The following FEM1C variants were observed in gnomAD, a reference collection of about 807,000 sequenced individuals.
FEM1C encodes protein fem-1 homolog C.
FEM1C carries 15 observed loss-of-function variants against 37.6 expected under a neutral mutation model. The observed-to-expected ratio is 0.40, with a 90% CI of 0.27 to 0.61. The LOEUF is 0.61. Ranked by LOEUF, FEM1C falls within the 20% of genes least tolerant of loss-of-function variation. The pLI is 0.42. For synonymous variants in FEM1C, 287 were observed against 272.8 expected (o/e 1.05, Z -0.51); for missense variants, 532 against 749.7 (o/e 0.71, Z 3.39).
intron 2 of FEM1C, among the ~76,000 whole-genome samples, chr5:115,535,328 A>C (rs1754103213): frequency 6.6e-6 from 1 of 151,598 alleles, no homozygotes; most frequent in African/African-American, 2.4e-5. Context: ...AATATTTGCA[A>C]ATGATATATC....
rs1580375787 is a variant in FEM1C at position 115,523,480 on chromosome 5, G to A, written c.*828C>T. 1 of 152,418 alleles carries A rather than the reference G, an allele frequency of 6.6e-6. No individual in the cohort carries two copies. The highest frequency in any genetic ancestry group is 2.4e-5 in the African/African-American group (1 of 41,410). 9.4% of individuals were successfully genotyped at this position (152,418 alleles called of 1,614,324 possible). A position where few individuals can be genotyped will look rare whatever the true frequency, so the allele number is the denominator to read the frequency against. ...TACTGCATGATATATTAAGATGACA[G>A]ACCTAAATTTCAACTGGGTTAATGA... On this transcript the variant is annotated 3_prime_UTR_variant, in exon 3 of 3. Transcript: ENST00000274457.
At chr5:115,536,804 T>C (rs1310343329) in intron 2 of FEM1C, among the ~76,000 whole-genome samples, 1 of 151,954 alleles carries the variant, frequency 6.6e-6, no homozygotes, top group African/African-American at 2.4e-5. Flanking sequence ...AATTTAACAA[T>C]AAAGGTCCTT....
At chr5:115,528,033 C>A (rs1213543199) in intron 2 of FEM1C, among the ~76,000 whole-genome samples, 1 of 147,844 alleles carries the variant, frequency 6.8e-6, no homozygotes, top group African/African-American at 2.5e-5. Context: ...TAGCAAAAGC[C>A]AATTAAATGA....
intron 2 of FEM1C, among the ~76,000 whole-genome samples, chr5:115,538,848 C>A (rs1187031714): frequency 6.6e-6 from 1 of 151,930 alleles, no homozygotes; most frequent in East Asian, 1.9e-4. Flanking sequence ...AAAACCCTTC[C>A]ACAGATCCAC....
intron 2 of FEM1C, among the ~76,000 whole-genome samples, chr5:115,532,362 A>C (rs1265121528): frequency 2.0e-5 from 3 of 152,128 alleles, no homozygotes; most frequent in Non-Finnish European, 4.4e-5. Flanking sequence ...AAAGTAATTC[A>C]ATCTTAGCTT....
At position 115,524,822 on chromosome 5, in the gene FEM1C, T is replaced by G; in HGVS notation, c.1340A>C (p.His447Pro). Residue 447 changes from histidine (H) to proline (P), a missense_variant, in exon 3 of 3, where the codon CAC (histidine) becomes CCC (proline). Transcript: ENST00000274457. Reference protein sequence around the residue: ...QLNKALSIILHLICLLEKVPC... With the variant: ...QLNKALSIILPLICLLEKVPC... ...AACTTTCTCTAACAAGCAAATTAAG[T>G]GCAAAATAATAGAAAGGGCCTTATT... 1 of 1,607,140 alleles carries G rather than the reference T, an allele frequency of 6.2e-7. No individual in the cohort carries two copies. The highest frequency in any genetic ancestry group is 8.5e-7 in the Non-Finnish European group (1 of 1,177,126).
At chr5:115,538,998 A>G (rs1348159643) in intron 2 of FEM1C, among the ~76,000 whole-genome samples, 1 of 152,028 alleles carries the variant, frequency 6.6e-6, no homozygotes, top group Admixed American at 6.6e-5. Flanking sequence ...TATAGCATGG[A>G]TTGCTTATAC....
chr5:115,533,504 C>T (rs997107793), intron 2 of FEM1C, among the ~76,000 whole-genome samples: 5 of 151,896 alleles, frequency 3.3e-5, no homozygotes, highest in Non-Finnish European at 7.4e-5. Context: ...CTGTTACATG[C>T]CAAAGATCAT....
chr5:115,539,895 G>A (rs1339881407), intron 2 of FEM1C, among the ~76,000 whole-genome samples: 6 of 152,038 alleles, frequency 3.9e-5, no homozygotes, highest in East Asian at 3.8e-4. Context: ...GTAATGAAAA[G>A]AGGTTAAATA....
intron 1 of FEM1C, among the ~76,000 whole-genome samples, chr5:115,544,294 C>G (rs1754310126): frequency 6.6e-6 from 1 of 151,694 alleles, no homozygotes. Flanking sequence ...CCGCAGGTTC[C>G]TCAAACCACA....
intron 2 of FEM1C, among the ~76,000 whole-genome samples, chr5:115,540,490 T>A (rs981492348): frequency 2.0e-5 from 3 of 151,970 alleles, no homozygotes; most frequent in African/African-American, 7.2e-5. Flanking sequence ...TAGATACTGA[T>A]ACTGGGGAAA....
Position 115,524,557 on chromosome 5 carries a change from A to T in FEM1C, c.1605T>A (p.Ala535=). The change falls in exon 3 of 3, where the codon GCT becomes GCA. Residue 535 remains alanine (A), a synonymous_variant. Coordinates refer to ENST00000274457, the MANE Select transcript of FEM1C (RefSeq NM_020177.3). ...TGATGTCTGGATGGTTGTTAAGAGCAGCGATATGCAGGGGACTGTTGTCAT... is the reference window on the plus strand; with the variant it reads ...TGATGTCTGGATGGTTGTTAAGAGCTGCGATATGCAGGGGACTGTTGTCAT... The part of the protein sequence containing the change: ...DSDDNSPLHI[A]ALNNHPDIMN... 1 of 1,613,490 alleles carries T rather than the reference A, an allele frequency of 6.2e-7. No individual in the cohort carries two copies. Among genetic ancestry groups the T allele is most frequent in the South Asian group, 1.1e-5 (1 of 91,030 alleles).
chr5:115,541,895 A>G (rs1371535971), intron 2 of FEM1C, among the ~76,000 whole-genome samples: 1 of 152,170 alleles, frequency 6.6e-6, no homozygotes, highest in Non-Finnish European at 1.5e-5. Flanking sequence ...GGACACATAA[A>G]AAACTGTAAA....
At chr5:115,536,589 G>C (rs1272852028) in intron 2 of FEM1C, among the ~76,000 whole-genome samples, 1 of 151,840 alleles carries the variant, frequency 6.6e-6, no homozygotes, top group Non-Finnish European at 1.5e-5. Flanking sequence ...AAACAACTTA[G>C]GGTATCAAAG....
At chr5:115,535,664 C>G (rs982377718) in intron 2 of FEM1C, among the ~76,000 whole-genome samples, 1 of 151,888 alleles carries the variant, frequency 6.6e-6, no homozygotes, top group Non-Finnish European at 1.5e-5. Context: ...GGAATGTAAA[C>G]TGGTACAACT....
At chr5:115,532,403 T>C (rs1754035297) in intron 2 of FEM1C, among the ~76,000 whole-genome samples, 2 of 152,072 alleles carry the variant, frequency 1.3e-5, no homozygotes, top group Non-Finnish European at 2.9e-5. Flanking sequence ...AAAAGTAATA[T>C]CCTAGAAGGA....
chr5:115,534,845 G>A (rs1479895183), intron 2 of FEM1C, among the ~76,000 whole-genome samples: 1 of 151,902 alleles, frequency 6.6e-6, no homozygotes, highest in African/African-American at 2.4e-5. Context: ...CTGGATCCAA[G>A]TGATACCTAC....
intron 2 of FEM1C, among the ~76,000 whole-genome samples, chr5:115,540,383 C>T (rs971478326): frequency 1.3e-5 from 2 of 151,956 alleles, no homozygotes; most frequent in African/African-American, 4.8e-5. Context: ...TATCTATATG[C>T]ATGTGTATGG....
chr5:115,539,412 T>C (rs1201153223), intron 2 of FEM1C, among the ~76,000 whole-genome samples: 1 of 152,078 alleles, frequency 6.6e-6, no homozygotes, highest in Non-Finnish European at 1.5e-5. Flanking sequence ...ATCACTGTGA[T>C]AGCTCTGAGA....
Sources: gnomAD v4.1 joint callset for allele counts (sites outside exome capture counted in the v4.1 genomes callset) on GRCh38, gnomAD v4.1.1 for gene constraint, MANE v1.5 for transcripts, NCBI Gene and HGNC (gene_info 2026-07-23, HGNC 2026-07-21) for gene names.